Variants in DUS3L observed in about 807,000 individuals in gnomAD.
DUS3L encodes tRNA-dihydrouridine(47) synthase [NAD(P)(+)]-like.
DUS3L carries 62 observed loss-of-function variants against 74.6 expected under a neutral mutation model. That is an observed-to-expected ratio of 0.83 (90% CI 0.68 to 1.03). The LOEUF is 1.03. DUS3L is among the 50% of genes least tolerant of loss of function. The probability of loss-of-function intolerance (pLI) is 0.00; values close to 1 mark genes in which losing one functional copy is unlikely to be tolerated. For missense variants in DUS3L, 884 were observed against 924.4 expected (o/e 0.96, Z 0.57); for synonymous variants, 433 against 395.7 (o/e 1.09, Z -1.12).
In DUS3L at chr19:5,789,276, G is replaced by C; in HGVS notation, c.831C>G (p.Ser277Arg). Residue 277 changes from serine to arginine, a missense_variant, in exon 3 of 13, where the codon AGC (serine) becomes AGG (arginine). Physicochemically the swap from Ser to Arg is moderately radical, Grantham distance 110. Coordinates refer to ENST00000309061, the MANE Select transcript of DUS3L (RefSeq NM_020175.3). ...AGPGTSTPPS[S>R]PVRTCGPLTD... ...TCAGGGGCCCGCAGGTCCGCACGGG[G>C]CTGCTGGGAGGGGTGCTAGTGCCCG... 1 of 1,592,142 alleles carries C rather than the reference G, an allele frequency of 6.3e-7. No homozygotes were observed. The highest frequency in any genetic ancestry group is 8.5e-7 in the Non-Finnish European group (1 of 1,170,628).
chr19:5,788,266 C>T, intron 4 of DUS3L, 90 bp from the exon 5 acceptor site: 2 of 1,610,214 alleles, frequency 1.2e-6, no homozygotes, highest in African/African-American at 2.7e-5. Flanking sequence ...CCCAGCCCCA[C>T]AATCCAGTAG....
Position 5,787,327 on chromosome 19 carries a change from T to G in DUS3L, c.1247A>C (p.Lys416Thr), listed in dbSNP as rs991584313. The change falls in exon 7 of 13, where the codon AAG (lysine) becomes ACG (threonine). Residue 416 changes from lysine (K) to threonine (T), a missense_variant. Coordinates refer to ENST00000309061, the MANE Select transcript of DUS3L (RefSeq NM_020175.3). ...CATGCCACGGACGATCTGCTGGAAC[T>G]TGGTGGAGCGATTCATGAGGGCACA... Reference protein sequence around the residue: ...GGCALMNRSTKFQQIVRGMNQ... With the variant: ...GGCALMNRSTTFQQIVRGMNQ... 6 of 1,238,378 alleles carry G rather than the reference T, an allele frequency of 4.8e-6. No individual in the cohort carries two copies. The highest frequency in any genetic ancestry group is 5.2e-6 in the Non-Finnish European group (5 of 964,806). 76.7% of individuals were successfully genotyped at this position (1,238,378 alleles called of 1,614,324 possible).
rs372568787 is a variant in DUS3L at position 5,786,577 on chromosome 19, T to A, written c.1487-35A>T. ...CAGAGGCTGGGGTCTCAGGGAGACA[T>A]GGGCAGGTGGGACCCTGGAGTTCTG... On this transcript the variant is annotated intron_variant, in intron 9 of 12. Transcript: ENST00000309061. 3 of 1,606,772 alleles carry A rather than the reference T, an allele frequency of 1.9e-6. No homozygotes were observed. The African/African-American group carries it at 4.0e-5, about 21-fold the overall frequency.
chr19:5,785,895 C>G (rs1161819505), intron 10 of DUS3L, 104 bp from the exon 11 acceptor site: 2 of 1,286,566 alleles, frequency 1.6e-6, no homozygotes, highest in Non-Finnish European at 2.1e-6. Context: ...GACCACAAAA[C>G]CTACAAGCCT....
chr19:5,789,813 CTT>C, intron 2 of DUS3L, 94 bp from the exon 3 acceptor site: 1 of 1,486,924 alleles, frequency 6.7e-7, no homozygotes, highest in Non-Finnish European at 9.1e-7. Flanking sequence ...CCTCCTGGCT[CTT>C]GTGTCCCTGA....
Position 5,786,825 on chromosome 19 carries a change from C to T in DUS3L, c.1410G>A (p.Glu470=). The change falls in exon 9 of 13, where the codon GAG becomes GAA. Residue 470 remains glutamate (E), a synonymous_variant. Transcript: ENST00000309061. ...ALVTLHGRSR[E]QRYTKLADWQ... The stretch of plus-strand genomic sequence containing the variant: ...AGTCGGCTAGCTTGGTGTAGCGCTG[C>T]TCCCGAGAGCGGCCGTGGAGCTGGG... 6.2e-7 allele frequency: 1 copy of T among 1,610,534 alleles called. No individual in the cohort carries two copies. Among genetic ancestry groups the T allele is most frequent in the South Asian group, 1.1e-5 (1 of 90,522 alleles).
rs1372150206 is a variant in DUS3L at position 5,785,719 on chromosome 19, C to G, written c.1635G>C (p.Glu545Asp). 1.2e-6 allele frequency: 2 copies of G among 1,612,094 alleles called. No homozygotes were observed. Among genetic ancestry groups the G allele is most frequent in the Non-Finnish European group, 1.7e-6 (2 of 1,179,756 alleles). ...EQRHWDISSS[E>D]RLDILRDFTN... ...TGAAGTCCCGCAGGATGTCCAGGCG[C>G]TCGGACGACGAGATGTCCCAGTGCC... Residue 545 changes from glutamate (E) to aspartate (D), a missense_variant, in exon 11 of 13, where the codon GAG becomes GAC. By Grantham distance (45) the Glu-to-Asp change is conservative. Transcript: ENST00000309061.
Position 5,789,386 on chromosome 19 carries a change from G to C in DUS3L, c.721C>G (p.Pro241Ala). ...ALRRFSQGPT[P>A]AAAVPEGTAA... ...GTGCCCTCGGGGACAGCGGCAGCGG[G>C]TGTGGGGCCCTGGCTGAACCGGCGC... Residue 241 changes from proline to alanine, a missense_variant, in exon 3 of 13, where the codon CCC becomes GCC. By Grantham distance (27) the Pro-to-Ala change is conservative (BLOSUM62 -1). Transcript: ENST00000309061. 1.3e-6 allele frequency: 2 copies of C among 1,593,262 alleles called. No homozygotes were observed. Among genetic ancestry groups the C allele is most frequent in the Non-Finnish European group, 1.7e-6 (2 of 1,172,446 alleles).
intron 9 of DUS3L, 50 bp from the exon 10 acceptor site, chr19:5,786,592 C>T: frequency 6.3e-7 from 1 of 1,599,660 alleles, no homozygotes; most frequent in Non-Finnish European, 8.5e-7. Flanking sequence ...AGGTGGGACC[C>T]TGGAGTTCTG....
chr19:5,790,303 A>C lies in DUS3L; in HGVS notation c.131T>G (p.Phe44Cys). 1.9e-6 allele frequency: 3 copies of C among 1,614,040 alleles called. No homozygotes were observed. Among genetic ancestry groups the C allele is most frequent in the Non-Finnish European group, 2.5e-6 (3 of 1,180,014 alleles). ...YLTTKEQFHQFLEAKGQEKTC... is the reference protein window; with the variant it reads ...YLTTKEQFHQCLEAKGQEKTC... The stretch of plus-strand genomic sequence containing the variant: ...CTTCTCCTGCCCTTTGGCTTCCAGG[A>C]ATTGGTGAAACTGCTCCTTGGTGGT... The change falls in exon 2 of 13, where the codon TTC (phenylalanine) becomes TGC (cysteine). Residue 44 changes from phenylalanine (F) to cysteine (C), a missense_variant. Phe to Cys is a radical substitution (Grantham distance 205, BLOSUM62 -2). Coordinates refer to ENST00000309061, the MANE Select transcript of DUS3L (RefSeq NM_020175.3).
chr19:5,787,376 C>A lies in DUS3L; in HGVS notation c.1213-15G>T, dbSNP rs375552060. The A allele has an allele frequency of 1.2e-5, 19 of 1,612,340 alleles. No individual in the cohort carries two copies. Among genetic ancestry groups the A allele is most frequent in the East Asian group, 6.7e-5 (3 of 44,824 alleles). On this transcript the variant is annotated splice_polypyrimidine_tract_variant and intron_variant, in intron 6 of 12. Coordinates refer to ENST00000309061, the MANE Select transcript of DUS3L (RefSeq NM_020175.3). ...CAGCCCCCACCCTGGAAGAGACAGG[C>A]GGGTGGAGGGAGGGCAGGACGTGGG...
chr19:5,788,245 T>C, intron 4 of DUS3L, 69 bp from the exon 5 acceptor site: 2 of 1,608,808 alleles, frequency 1.2e-6, no homozygotes, highest in South Asian at 1.1e-5. Context: ...AGCAGAACCC[T>C]GAATATGCGC....
Position 5,789,698 on chromosome 19 carries a change from A to C in DUS3L, c.409T>G (p.Phe137Val), listed in dbSNP as rs756369854. 10 of 1,607,678 alleles carry C rather than the reference A, an allele frequency of 6.2e-6. No homozygotes were observed. Among genetic ancestry groups the C allele is most frequent in the Non-Finnish European group, 8.5e-6 (10 of 1,177,996 alleles). ...TGCAGAAAGCGGCAGCGATCACCGA[A>C]GAAACACTTAGCAGCCGACTCCTGC... The part of the protein sequence containing the change: ...LIQESAAKCF[F>V]GDRCRFLHDV... The change falls in exon 3 of 13, where the codon TTC becomes GTC. Residue 137 changes from phenylalanine to valine, a missense_variant. Transcript: ENST00000309061.
At chr19:5,786,956 G>T in intron 8 of DUS3L, 105 bp downstream of exon 8, 1 of 1,490,544 alleles carries the variant, frequency 6.7e-7, no homozygotes, top group East Asian at 2.5e-5. Context: ...CGGAGACAGA[G>T]GGAGGTGTGG....
Position 5,790,188 on chromosome 19 carries a change from C to A in DUS3L, c.246G>T (p.Thr82=), listed in dbSNP as rs2056896108. The A allele has an allele frequency of 3.7e-6, 6 of 1,614,170 alleles. No individual in the cohort carries two copies. Among genetic ancestry groups the A allele is most frequent in the East Asian group, 4.5e-5 (2 of 44,868 alleles). ...AKRIRLEDGQ[T]ADGQTEEAAE... is the part of the protein sequence containing the mutation. ...CTGCCTCCTCCGTCTGCCCGTCCGC[C>A]GTCTGTCCATCCTCCAGTCGGATCC... The change falls in exon 2 of 13, where the codon ACG becomes ACT. Residue 82 remains threonine (T), a synonymous_variant. Transcript: ENST00000309061.
chr19:5,785,902 G>GT (rs2056837216), intron 10 of DUS3L, 111 bp from the exon 11 acceptor site: 1 of 1,173,718 alleles, frequency 8.5e-7, no homozygotes, highest in Admixed American at 3.0e-5. Context: ...AAACCTACAA[G>GT]CCTAGTAAGC....
rs577981098 is a variant in DUS3L at position 5,787,604 on chromosome 19, G to A, written c.1197C>T (p.Asp399=). ...FVDINVGCPI[D]LVYKKGGGCA... ...GGGCCGCTACCTTCTTGTACACGAG[G>A]TCGATGGGGCAGCCGACGTTGATGT... The change falls in exon 6 of 13, where the codon GAC becomes GAT. Residue 399 remains aspartate (D), a synonymous_variant. Transcript: ENST00000309061. The A allele has an allele frequency of 6.2e-7, 1 of 1,613,538 alleles. No homozygotes were observed. The highest frequency in any genetic ancestry group is 8.5e-7 in the Non-Finnish European group (1 of 1,179,950).
At chr19:5,788,689 T>TA (rs1368666369) in intron 3 of DUS3L, among the ~76,000 whole-genome samples, 5 of 150,216 alleles carry the variant, frequency 3.3e-5, no homozygotes, top group Admixed American at 1.3e-4. Context: ...CTCTGAGACT[T>TA]AGAGTGTGTC....
intron 10 of DUS3L, 27 bp downstream of exon 10, chr19:5,786,439 TG>T (rs1417955503): frequency 6.2e-7 from 1 of 1,609,174 alleles, no homozygotes; most frequent in South Asian, 1.1e-5. Context: ...TGCATGAAGC[TG>T]GATCTCTAAC....
Sources: gnomAD v4.1 joint callset for allele counts (sites outside exome capture counted in the v4.1 genomes callset) on GRCh38, gnomAD v4.1.1 for gene constraint, MANE v1.5 for transcripts, NCBI Gene and HGNC (gene_info 2026-07-23, HGNC 2026-07-21) for gene names.